Variants in PAM observed in about 807,000 individuals in gnomAD.
The protein encoded by PAM is peptidylglycine alpha-amidating monooxygenase.
PAM carries 72 observed loss-of-function variants against 122.1 expected under a neutral mutation model. That is an observed-to-expected ratio of 0.59 (90% confidence interval 0.49 to 0.72). PAM has a LOEUF of 0.72. Ranked by LOEUF, PAM falls within the 30% of genes least tolerant of loss-of-function variation. The pLI is 0.00. For missense variants in PAM, 1,106 were observed against 1,183.7 expected, an observed-to-expected ratio of 0.93 and a Z score of 0.96; for synonymous variants, 389 against 404.4, an observed-to-expected ratio of 0.96 and a Z score of 0.46.
At chr5:102,871,099 A>G (rs1238085040) in intron 3 of PAM, among the ~76,000 whole-genome samples, 2 of 152,230 alleles carry the variant, frequency 1.3e-5, no homozygotes, top group Non-Finnish European at 2.9e-5. Flanking sequence ...GGTTAAACAG[A>G]TGCATTGGGG....
chr5:102,789,638 A>G (rs2149977979), intron 1 of PAM, among the ~76,000 whole-genome samples: 1 of 152,216 alleles, frequency 6.6e-6, no homozygotes, highest in East Asian at 1.9e-4. Context: ...TGGGAGGAAG[A>G]GAGAATGTGG....
chr5:102,869,191 C>T (rs1344472558), intron 3 of PAM, among the ~76,000 whole-genome samples: 2 of 152,132 alleles, frequency 1.3e-5, no homozygotes, highest in Non-Finnish European at 2.9e-5. Flanking sequence ...GACTGTATCC[C>T]GCCTCCCTTT....
At chr5:102,856,136 T>C (rs1177545413) in intron 1 of PAM, among the ~76,000 whole-genome samples, 1 of 152,158 alleles carries the variant, frequency 6.6e-6, no homozygotes, top group East Asian at 1.9e-4. Flanking sequence ...TCTCTAAGTC[T>C]AGGTTCTGCT....
intron 1 of PAM, among the ~76,000 whole-genome samples, chr5:102,773,365 C>A (rs1362194074): frequency 6.6e-6 from 1 of 152,046 alleles, no homozygotes; most frequent in Non-Finnish European, 1.5e-5. Flanking sequence ...CTGTAAAGGA[C>A]CAGGTGGTAA....
At chr5:103,006,144 C>T (rs1387457037) in intron 18 of PAM, among the ~76,000 whole-genome samples, 1 of 152,086 alleles carries the variant, frequency 6.6e-6, no homozygotes, top group Non-Finnish European at 1.5e-5. Context: ...GCCAGGTTGC[C>T]CAGGCTGGTC....
chr5:102,960,007 C>G lies in PAM; in HGVS notation c.1038C>G (p.Asn346Lys), dbSNP rs772653516. 6.2e-7 allele frequency: 1 copy of G among 1,611,894 alleles called. No homozygotes were observed. The highest frequency in any genetic ancestry group is 8.5e-7 in the Non-Finnish European group (1 of 1,178,238). Reference protein sequence around the residue: ...DMFRTIPPEANIPIPVKSDMV... With the variant: ...DMFRTIPPEAKIPIPVKSDMV... Reference sequence around the variant, plus strand: ...TCAGAACCATACCACCAGAGGCCAACATTCCAATTCCCGTGAAGTCTGATA... The same window carrying G: ...TCAGAACCATACCACCAGAGGCCAAGATTCCAATTCCCGTGAAGTCTGATA... The change falls in exon 13 of 26, where the codon AAC (asparagine) becomes AAG (lysine). Residue 346 changes from asparagine to lysine, a missense_variant. Transcript: ENST00000438793.
At chr5:102,926,447 G>A in intron 6 of PAM, 138 bp from the exon 7 acceptor site, 1 of 584,092 alleles carries the variant, frequency 1.7e-6, no homozygotes, top group Non-Finnish European at 3.0e-6. Flanking sequence ...ATCAGTCAAT[G>A]GTATATTTCT....
intron 1 of PAM, among the ~76,000 whole-genome samples, chr5:102,857,089 G>A (rs1170939820): frequency 6.6e-6 from 1 of 152,130 alleles, no homozygotes; most frequent in African/African-American, 2.4e-5. Context: ...TAAAGTTTCA[G>A]CTAGTAATGT....
chr5:102,795,225 A>C (rs1007856307), intron 1 of PAM, among the ~76,000 whole-genome samples: 64 of 151,196 alleles, frequency 4.2e-4, no homozygotes, highest in African/African-American at 1.5e-3. Context: ...AGAGAAGAAA[A>C]AGAAAAAGAA....
At chr5:102,837,299 C>T (rs571060050) in intron 1 of PAM, among the ~76,000 whole-genome samples, 1 of 152,274 alleles carries the variant, frequency 6.6e-6, no homozygotes, top group South Asian at 2.1e-4. Flanking sequence ...CTCACATTGC[C>T]TTGCAATATT....
At chr5:102,977,295 C>T (rs1413413844) in intron 15 of PAM, among the ~76,000 whole-genome samples, 6 of 152,042 alleles carry the variant, frequency 3.9e-5, no homozygotes, top group South Asian at 2.1e-4. Flanking sequence ...TTCTCCACCT[C>T]GTTACGGGTT....
intron 5 of PAM, among the ~76,000 whole-genome samples, chr5:102,914,939 T>C (rs1173632134): frequency 3.3e-5 from 5 of 152,118 alleles, no homozygotes; most frequent in African/African-American, 1.2e-4. Context: ...GCCTGTCATA[T>C]GCCAGAGCTG....
intron 1 of PAM, among the ~76,000 whole-genome samples, chr5:102,777,298 C>A (rs115566566): frequency 0.011 from 1,597 of 152,088 alleles, 28 homozygotes; most frequent in African/African-American, 0.036. Context: ...TTTAAAATTG[C>A]AAACATTCAC....
intron 1 of PAM, among the ~76,000 whole-genome samples, chr5:102,758,068 ATTTTGTTTTTTTTTTT>A (rs1443133244): frequency 1.0e-4 from 9 of 87,608 alleles, no homozygotes; most frequent in African/African-American, 1.3e-4. Flanking sequence ...AAGACTTAGA[ATTTTGTTTTTTTTTTT>A]TTTTTTTTTT....
At chr5:102,868,622 GC>G (rs1156942299) in intron 3 of PAM, among the ~76,000 whole-genome samples, 1 of 152,186 alleles carries the variant, frequency 6.6e-6, no homozygotes, top group East Asian at 1.9e-4. Context: ...TATGAAGTGT[GC>G]CTCTTTTCTC....
intron 15 of PAM, among the ~76,000 whole-genome samples, chr5:102,989,186 C>T (rs901575771): frequency 2.6e-5 from 4 of 152,056 alleles, no homozygotes; most frequent in Non-Finnish European, 5.9e-5. Context: ...CCCCTTTATC[C>T]GTGAGCGTGT....
chr5:102,949,941 G>T lies in PAM; in HGVS notation c.764G>T (p.Trp255Leu), dbSNP rs972277991. 5.0e-6 allele frequency: 8 copies of T among 1,593,830 alleles called. No homozygotes were observed. The highest frequency in any genetic ancestry group is 6.9e-6 in the Non-Finnish European group (8 of 1,162,382). The change falls in exon 11 of 26, where the codon TGG becomes TTG. Residue 255 changes from tryptophan to leucine, a missense_variant. Trp to Leu is a moderately conservative substitution (Grantham distance 61). Transcript: ENST00000438793. ...VSGYRVRNGQ[W>L]TLIGRQSPQL... ...GGATACAGAGTAAGAAATGGACAGT[G>T]GACACTGATTGGACGGCAGAGCCCT... is the stretch of plus-strand genomic sequence containing the variant.
chr5:102,933,401 G>A (rs1012884298), intron 7 of PAM, among the ~76,000 whole-genome samples: 1 of 152,250 alleles, frequency 6.6e-6, no homozygotes. Context: ...GAACACTGCA[G>A]CCTGGACTTT....
At chr5:103,014,767 T>A (rs3910557) in intron 21 of PAM, among the ~76,000 whole-genome samples, 38,015 of 152,058 alleles carry the variant, frequency 0.25, 5,265 homozygotes, top group East Asian at 0.44. Context: ...GCTTAGACAG[T>A]AGGACAATAA....
Sources: gnomAD v4.1 joint callset for allele counts (sites outside exome capture counted in the v4.1 genomes callset) on GRCh38, gnomAD v4.1.1 for gene constraint, MANE v1.5 for transcripts, NCBI Gene and HGNC (gene_info 2026-07-23, HGNC 2026-07-21) for gene names.